Variants in SOBP observed in about 807,000 individuals in gnomAD.
SOBP encodes the protein sine oculis-binding protein homolog.
SOBP carries 4 observed loss-of-function variants against 53.6 expected under a neutral mutation model. That is an observed-to-expected ratio of 0.07 (90% confidence interval 0.04 to 0.17). The LOEUF is 0.17. Ranked by LOEUF, SOBP falls within the 10% of genes least tolerant of loss-of-function variation. SOBP has a pLI of 1.00. For synonymous variants in SOBP, 584 were observed against 522.6 expected, an observed-to-expected ratio of 1.12 and a Z score of -1.60; for missense variants, 1,088 against 1,204.7, an observed-to-expected ratio of 0.90 and a Z score of 1.43.
At chr6:107,495,166 AG>A (rs1203786686) in intron 1 of SOBP, among the ~76,000 whole-genome samples, 1 of 152,196 alleles carries the variant, frequency 6.6e-6, no homozygotes, top group African/African-American at 2.4e-5. Flanking sequence ...CCCCTCTCTA[AG>A]CAGTGGCCTC....
At chr6:107,651,124 G>A (rs935579296) in intron 6 of SOBP, among the ~76,000 whole-genome samples, 1 of 152,096 alleles carries the variant, frequency 6.6e-6, no homozygotes, top group Non-Finnish European at 1.5e-5. Context: ...AAAATTAGCT[G>A]GGTGTGATGG....
intron 3 of SOBP, among the ~76,000 whole-genome samples, chr6:107,530,359 G>C (rs1042816976): frequency 2.0e-5 from 3 of 152,138 alleles, no homozygotes; most frequent in Admixed American, 6.5e-5. Context: ...AAGAGATGCA[G>C]GGTTGAAGTG....
rs200830740 is a variant in SOBP at position 107,503,670 on chromosome 6, A to G, written c.110A>G (p.Asn37Ser). Residue 37 changes from asparagine to serine, a missense_variant, in exon 2 of 7, where the codon AAC becomes AGC. Physicochemically the swap from Asn to Ser is conservative, Grantham distance 46. Coordinates refer to ENST00000317357, the MANE Select transcript of SOBP (RefSeq NM_018013.4). ...INEEMKNFAENTMNELLGWYG... is the reference protein window; with the variant it reads ...INEEMKNFAESTMNELLGWYG... ...CTTCTCTTTCAGAACTTTGCAGAAA[A>G]CACCATGAATGAACTCCTTGGCTGG... 1 of 1,614,176 alleles carries G rather than the reference A, an allele frequency of 6.2e-7. No individual in the cohort carries two copies. The highest frequency in any genetic ancestry group is 8.5e-7 in the Non-Finnish European group (1 of 1,180,014).
In SOBP at chr6:107,652,436, G is replaced by A. The variant is rs150538414; in HGVS notation, c.*4-5771G>A. Among the ~76,000 whole-genome samples, 1,344 of 152,298 alleles carry A rather than the reference G, an allele frequency of 8.8e-3. 19 individuals are homozygous for A. The highest frequency in any genetic ancestry group is 0.043 in the East Asian group (223 of 5,186). On this transcript the variant is annotated intron_variant, in intron 6 of 6. Coordinates refer to ENST00000317357, the MANE Select transcript of SOBP (RefSeq NM_018013.4). ...TGTGGCTGAATTGCTGCAATCTCACGATCAAACTTGAACAGATGAGGAGTT... is the reference window on the plus strand; with the variant it reads ...TGTGGCTGAATTGCTGCAATCTCACAATCAAACTTGAACAGATGAGGAGTT...
intron 6 of SOBP, among the ~76,000 whole-genome samples, chr6:107,639,170 T>C (rs1331110329): frequency 6.6e-6 from 1 of 152,180 alleles, no homozygotes; most frequent in Non-Finnish European, 1.5e-5. Context: ...CCCAAAGTGT[T>C]GGGATTACAG....
intron 6 of SOBP, among the ~76,000 whole-genome samples, chr6:107,657,085 C>G (rs846984): frequency 0.98 from 149,098 of 152,374 alleles, 72,977 homozygotes; most frequent in East Asian, 1. Flanking sequence ...CTCTGAGCTA[C>G]GAGTTGGGTG....
chr6:107,542,902 G>A (rs146520647), intron 4 of SOBP, among the ~76,000 whole-genome samples: 4 of 152,172 alleles, frequency 2.6e-5, no homozygotes, highest in African/African-American at 9.6e-5. Context: ...TAGGGCCTCA[G>A]AAGGCAAGCT....
At chr6:107,633,044 A>T (rs1430690621) in intron 5 of SOBP, among the ~76,000 whole-genome samples, 1 of 152,218 alleles carries the variant, frequency 6.6e-6, no homozygotes, top group Non-Finnish European at 1.5e-5. Context: ...TTCCAACTGC[A>T]TTATCAAACA....
chr6:107,549,835 GA>G (rs1364090387), intron 4 of SOBP, among the ~76,000 whole-genome samples: 2 of 152,052 alleles, frequency 1.3e-5, no homozygotes, highest in African/African-American at 4.8e-5. Flanking sequence ...ATGTACTGGA[GA>G]AAACCTATGT....
In SOBP at chr6:107,595,166, T is replaced by C. The variant is rs1213286396; in HGVS notation, c.669+7991T>C. Among the ~76,000 whole-genome samples the C allele has an allele frequency of 3.9e-5, 6 of 152,196 alleles. No individual in the cohort carries two copies. The East Asian group carries it at 1.2e-3, about 29-fold the overall frequency. On this transcript the variant is annotated intron_variant, in intron 5 of 6. Transcript: ENST00000317357. ...GAAGGGCAATTTATTCAGAAAGTCA[T>C]GGCAATGTTTGCGGATTCCCAGTGC...
intron 6 of SOBP, among the ~76,000 whole-genome samples, chr6:107,644,556 ATCC>A (rs755683739): frequency 5.9e-5 from 9 of 152,324 alleles, no homozygotes; most frequent in Middle Eastern, 3.4e-3. Flanking sequence ...CAAACGCAGA[ATCC>A]ATTTAAGCTT....
At chr6:107,559,983 G>T (rs78085452) in intron 4 of SOBP, among the ~76,000 whole-genome samples, 2 of 152,140 alleles carry the variant, frequency 1.3e-5, no homozygotes, top group East Asian at 3.9e-4. Flanking sequence ...GGGCAGCAGT[G>T]GGGGAGAGGG....
intron 1 of SOBP, among the ~76,000 whole-genome samples, chr6:107,502,996 A>G (rs1267062791): frequency 1.3e-5 from 2 of 152,190 alleles, no homozygotes; most frequent in Non-Finnish European, 2.9e-5. Context: ...CTTGACCTCA[A>G]GTAATCTGTC....
chr6:107,539,982 T>A (rs1298739646), intron 4 of SOBP, among the ~76,000 whole-genome samples: 3 of 152,232 alleles, frequency 2.0e-5, no homozygotes, highest in Admixed American at 2.0e-4. Flanking sequence ...CTGAGAGTGC[T>A]TGGTGAACTG....
Position 107,658,537 on chromosome 6 carries a change from C to T in SOBP, c.*334C>T, listed in dbSNP as rs1772166674. 1 of 152,622 alleles carries T rather than the reference C, an allele frequency of 6.6e-6. No individual in the cohort carries two copies. 9.5% of individuals were successfully genotyped at this position (152,622 alleles called of 1,614,324 possible). A position where few individuals can be genotyped will look rare whatever the true frequency, so the allele number is the denominator to read the frequency against. ...AGCCACAAGGACCAATGTAGGTATT[C>T]TCCCCGCCCCATCTTCAAGGCTCAG... On this transcript the variant is annotated 3_prime_UTR_variant, in exon 7 of 7. Transcript: ENST00000317357.
chr6:107,634,959 C>T lies in SOBP; in HGVS notation c.2115C>T (p.Asp705=), dbSNP rs1415970104. 12 of 1,033,630 alleles carry T rather than the reference C, an allele frequency of 1.2e-5. No individual in the cohort carries two copies. The highest frequency in any genetic ancestry group is 1.4e-5 in the Non-Finnish European group (12 of 863,958). The allele number at this position is 1,033,630 out of a possible 1,614,324, so 64.0% of individuals were successfully genotyped here. A position where few individuals can be genotyped will look rare whatever the true frequency, so the allele number is the denominator to read the frequency against. The change falls in exon 6 of 7, where the codon GAC becomes GAT. Residue 705 remains aspartate, a synonymous_variant. Transcript: ENST00000317357. This position sits in a 1 kb window ranked among gnomAD's most constrained non-coding sequence, Gnocchi z 4.5. ...DGHCSPPAAG[D]PGPGAPAGPE... The stretch of plus-strand genomic sequence containing the variant: ...ACTGCAGCCCGCCCGCCGCCGGCGA[C>T]CCAGGCCCGGGCGCCCCGGCGGGCC...
At chr6:107,636,123 A>G (rs1034963682) in intron 6 of SOBP, 1 of 163,380 alleles carries the variant, frequency 6.1e-6, no homozygotes, top group Admixed American at 5.6e-5. Flanking sequence ...TTTGGCACCA[A>G]GCAGCATCCC....
At chr6:107,651,089 A>T (rs1243284491) in intron 6 of SOBP, among the ~76,000 whole-genome samples, 1 of 152,072 alleles carries the variant, frequency 6.6e-6, no homozygotes, top group Non-Finnish European at 1.5e-5. Context: ...AACATGGCAA[A>T]ACCCTGTCTC....
chr6:107,562,789 A>C (rs1784809601), intron 4 of SOBP, among the ~76,000 whole-genome samples: 1 of 152,172 alleles, frequency 6.6e-6, no homozygotes, highest in African/African-American at 2.4e-5. Flanking sequence ...ATAACATCAA[A>C]ATGATGAAAA....
Sources: gnomAD v4.1 joint callset for allele counts (sites outside exome capture counted in the v4.1 genomes callset) on GRCh38, gnomAD v4.1.1 for gene constraint, Gnocchi (gnomAD v3.1) non-coding constraint, MANE v1.5 for transcripts, NCBI Gene and HGNC (gene_info 2026-07-23, HGNC 2026-07-21) for gene names.